SLC22A3: variants seen among roughly 807,000 people sequenced by gnomAD.
The protein encoded by SLC22A3 is solute carrier family 22 member 3, also known as EMT organic cation transporter 3.
SLC22A3 carries 51 observed loss-of-function variants against 59.1 expected under a neutral mutation model. The ratio of observed to expected loss-of-function variants is 0.86; its 90% CI spans 0.69 to 1.09. The LOEUF (loss-of-function observed/expected upper bound fraction) is 1.09. SLC22A3 is among the 50% of genes least tolerant of loss of function. The probability of loss-of-function intolerance (pLI) is 0.00; values close to 1 mark genes in which losing one functional copy is unlikely to be tolerated. For synonymous variants in SLC22A3, 325 were observed against 292.0 expected (o/e 1.11, Z -1.15); for missense variants, 711 against 726.3 (o/e 0.98, Z 0.24).
intron 1 of SLC22A3, among the ~76,000 whole-genome samples, chr6:160,391,285 A>G (rs1026757909): frequency 6.6e-6 from 1 of 152,180 alleles, no homozygotes; most frequent in Non-Finnish European, 1.5e-5. Context: ...TGCATATTAG[A>G]CTAAATCCTA....
In SLC22A3 at chr6:160,378,292, C is replaced by T. The variant is rs180979329; in HGVS notation, c.430-19687C>T. Among the ~76,000 whole-genome samples, 708 of 152,282 alleles carry T rather than the reference C, an allele frequency of 4.6e-3. 3 individuals carry two copies. The highest frequency in any genetic ancestry group is 0.016 in the African/African-American group (683 of 41,544). ...ATACTAAATATTTAAATTCTGTAGGCTAGTTTTCATATTCTGGAAAGGTGG... is the reference window on the plus strand; with the variant it reads ...ATACTAAATATTTAAATTCTGTAGGTTAGTTTTCATATTCTGGAAAGGTGG... On this transcript the variant is annotated intron_variant, in intron 1 of 10. Transcript: ENST00000275300.
At chr6:160,431,071 A>G (rs1176624552) in intron 5 of SLC22A3, among the ~76,000 whole-genome samples, 11 of 152,240 alleles carry the variant, frequency 7.2e-5, no homozygotes. Context: ...AGAATTGCTG[A>G]AGTTTATTGT....
At position 160,413,531 on chromosome 6, in the gene SLC22A3, C is replaced by T. The variant is rs181100460; in HGVS notation, c.975+2685C>T. Among the ~76,000 whole-genome samples, 304 of 152,318 alleles carry T rather than the reference C, an allele frequency of 2.0e-3. 4 individuals are homozygous for T. Among genetic ancestry groups the T allele is most frequent in the Admixed American group, 0.017 (253 of 15,300 alleles). On this transcript the variant is annotated intron_variant, in intron 5 of 10. Coordinates refer to ENST00000275300, the MANE Select transcript of SLC22A3 (RefSeq NM_021977.4). ...ATCCACTGAGTAGGAATCAATCCAGCCATCATAGCATTTCATCTTGTAATA... is the reference window on the plus strand; with the variant it reads ...ATCCACTGAGTAGGAATCAATCCAGTCATCATAGCATTTCATCTTGTAATA...
intron 1 of SLC22A3, among the ~76,000 whole-genome samples, chr6:160,376,788 T>A (rs917401747): frequency 6.6e-6 from 1 of 152,216 alleles, no homozygotes; most frequent in Non-Finnish European, 1.5e-5. Context: ...GTATATATAT[T>A]TTTTGTTTTA....
chr6:160,426,764 G>A (rs950915298), intron 5 of SLC22A3, among the ~76,000 whole-genome samples: 13 of 152,070 alleles, frequency 8.5e-5, no homozygotes, highest in African/African-American at 1.9e-4. Flanking sequence ...AATTGTGATC[G>A]GTGTTTTCAT....
chr6:160,451,862 C>G lies in SLC22A3; in HGVS notation c.*806C>G, dbSNP rs1477738569. ...ATTCCCTTCTTTACTAAACAAATCC[C>G]ATGGATTCTGATTTCTGGGTCTTAG... is the stretch of plus-strand genomic sequence containing the variant. On this transcript the variant is annotated 3_prime_UTR_variant, in exon 11 of 11. Transcript: ENST00000275300. 1 of 152,272 alleles carries G rather than the reference C, an allele frequency of 6.6e-6. No individual in the cohort carries two copies. Among genetic ancestry groups the G allele is most frequent in the East Asian group, 1.9e-4 (1 of 5,180 alleles). 9.4% of individuals were successfully genotyped at this position (152,272 alleles called of 1,614,324 possible). A position where few individuals can be genotyped will look rare whatever the true frequency, so the allele number is the denominator to read the frequency against.
intron 5 of SLC22A3, among the ~76,000 whole-genome samples, chr6:160,432,075 G>A (rs1788169697): frequency 6.6e-6 from 1 of 152,096 alleles, no homozygotes; most frequent in South Asian, 2.1e-4. Flanking sequence ...ATTCCTTGAA[G>A]GAAGAAAAAA....
chr6:160,401,458 A>G (rs1786778601), intron 2 of SLC22A3, among the ~76,000 whole-genome samples: 1 of 152,016 alleles, frequency 6.6e-6, no homozygotes, highest in South Asian at 2.1e-4. Flanking sequence ...CAAAGTTATC[A>G]TTTAAAAGTG....
At chr6:160,388,423 G>A (rs975130139) in intron 1 of SLC22A3, among the ~76,000 whole-genome samples, 1 of 152,176 alleles carries the variant, frequency 6.6e-6, no homozygotes, top group Non-Finnish European at 1.5e-5. Flanking sequence ...TTGACTCAGT[G>A]TGCCCGAGGT....
chr6:160,433,923 T>C (rs141686008), intron 5 of SLC22A3, among the ~76,000 whole-genome samples: 2 of 152,268 alleles, frequency 1.3e-5, no homozygotes, highest in East Asian at 3.9e-4. Context: ...CAGTAATAAA[T>C]TGCTGTGAAT....
At chr6:160,373,948 T>C (rs923465688) in intron 1 of SLC22A3, among the ~76,000 whole-genome samples, 2 of 152,156 alleles carry the variant, frequency 1.3e-5, no homozygotes, top group East Asian at 1.9e-4. Context: ...CTGGGCTCCA[T>C]AGGGGTGGGA....
intron 1 of SLC22A3, among the ~76,000 whole-genome samples, chr6:160,391,602 G>T (rs1357280212): frequency 3.3e-5 from 5 of 152,156 alleles, no homozygotes; most frequent in African/African-American, 4.8e-5. Context: ...CCAGAACTAG[G>T]ACTCGTCTTT....
At chr6:160,426,529 ATGAAG>A (rs1291905578) in intron 5 of SLC22A3, among the ~76,000 whole-genome samples, 15 of 152,150 alleles carry the variant, frequency 9.9e-5, no homozygotes, top group Non-Finnish European at 1.5e-4. Flanking sequence ...ATGTGTTCTT[ATGAAG>A]TGGAGTGTGC....
chr6:160,450,248 C>T (rs182422813), intron 10 of SLC22A3, among the ~76,000 whole-genome samples: 220 of 152,290 alleles, frequency 1.4e-3, no homozygotes, highest in African/African-American at 4.9e-3. Flanking sequence ...CCTAGGAACG[C>T]ATTCCTTTCC....
chr6:160,437,023 G>A lies in SLC22A3; in HGVS notation c.1100G>A (p.Gly367Glu), dbSNP rs1231531248. ...AWFTSAVVYQGLVMRLGIIGG... is the reference protein window; with the variant it reads ...AWFTSAVVYQELVMRLGIIGG... ...TTCACAAGCGCAGTGGTGTATCAAG[G>A]ACTTGTCATGCGCCTGGGAATTATA... The change falls in exon 7 of 11, where the codon GGA (glycine) becomes GAA (glutamate). Residue 367 changes from glycine to glutamate, a missense_variant. Coordinates refer to ENST00000275300, the MANE Select transcript of SLC22A3 (RefSeq NM_021977.4). 1 of 1,614,116 alleles carries A rather than the reference G, an allele frequency of 6.2e-7. No homozygotes were observed. Among genetic ancestry groups the A allele is most frequent in the Admixed American group, 1.7e-5 (1 of 60,028 alleles).
Position 160,407,199 on chromosome 6 carries a change from A to G in SLC22A3, c.688+4A>G, listed in dbSNP as rs1302395064. The G allele has an allele frequency of 6.2e-7, 1 of 1,603,442 alleles. No individual in the cohort carries two copies. The highest frequency in any genetic ancestry group is 1.7e-5 in the Admixed American group (1 of 58,336). On this transcript the variant is annotated splice_donor_region_variant and intron_variant, in intron 3 of 10. Coordinates refer to ENST00000275300, the MANE Select transcript of SLC22A3 (RefSeq NM_021977.4). ...TGGATGACTTGCTACGTGATTGGTA[A>G]GACATTCTTACACCATCTTCTCTAT...
intron 1 of SLC22A3, among the ~76,000 whole-genome samples, chr6:160,381,081 GC>G (rs1017608869): frequency 6.6e-6 from 1 of 152,132 alleles, no homozygotes; most frequent in Non-Finnish European, 1.5e-5. Flanking sequence ...AATACAAAAA[GC>G]CCAAACTTTA....
chr6:160,358,334 T>C (rs1408081365), intron 1 of SLC22A3, among the ~76,000 whole-genome samples: 2 of 152,178 alleles, frequency 1.3e-5, no homozygotes, highest in Non-Finnish European at 1.5e-5. Flanking sequence ...GTCTGAGATA[T>C]GTAAGTAGCT....
At chr6:160,398,877 G>A (rs1374464323) in intron 2 of SLC22A3, among the ~76,000 whole-genome samples, 2 of 151,804 alleles carry the variant, frequency 1.3e-5, no homozygotes, top group African/African-American at 4.9e-5. Context: ...ATCCATCTCT[G>A]ACTCATGGCC....
Sources: gnomAD v4.1 joint callset for allele counts (sites outside exome capture counted in the v4.1 genomes callset) on GRCh38, gnomAD v4.1.1 for gene constraint, MANE v1.5 for transcripts, NCBI Gene and HGNC (gene_info 2026-07-23, HGNC 2026-07-21) for gene names.